Variants in ZFP37 observed in about 807,000 individuals in gnomAD.
ZFP37 encodes zinc finger protein 37 homolog.
Under a neutral mutation model 52.1 loss-of-function variants are expected in ZFP37, and 38 were observed. The ratio of observed to expected loss-of-function variants is 0.73; its 90% confidence interval spans 0.56 to 0.96. The LOEUF is 0.96. Among genes scored for constraint, ZFP37 ranks in the 40% least tolerant of loss-of-function variants. ZFP37 has a pLI of 0.00. For synonymous variants in ZFP37, 253 were observed against 259.5 expected (o/e 0.98, Z 0.24); for missense variants, 695 against 741.4 (o/e 0.94, Z 0.73).
At chr9:113,046,866 T>C (rs528629878) in intron 3 of ZFP37, among the ~76,000 whole-genome samples, 3 of 152,084 alleles carry the variant, frequency 2.0e-5, no homozygotes, top group Non-Finnish European at 2.9e-5. Context: ...TCCCAGCACT[T>C]TGGGAGGCCG....
Position 113,043,900 on chromosome 9 carries a change from C to A in ZFP37, c.718G>T (p.Asp240Tyr). 6.2e-7 allele frequency: 1 copy of A among 1,614,004 alleles called. No homozygotes were observed. The highest frequency in any genetic ancestry group is 8.5e-7 in the Non-Finnish European group (1 of 1,179,932). ...HEKLSSHSSS[D>Y]KCNKTGKKHD... The stretch of plus-strand genomic sequence containing the variant: ...TTTTTGCCAGTTTTGTTACACTTAT[C>A]AGATGAGCTATGGCTGGATAATTTC... Residue 240 changes from aspartate (D) to tyrosine (Y), a missense_variant, in exon 4 of 4, where the codon GAT becomes TAT. Around this residue, in one of 2 missense-constraint regions of ZFP37, gnomAD observed 369 missense variants for 340.9 expected, o/e 1.08. Coordinates refer to ENST00000374227, the MANE Select transcript of ZFP37 (RefSeq NM_003408.3).
chr9:113,044,050 A>T lies in ZFP37; in HGVS notation c.568T>A (p.Leu190Ile). Residue 190 changes from leucine (L) to isoleucine (I), a missense_variant, in exon 4 of 4, where the codon TTA (leucine) becomes ATA (isoleucine). By Grantham distance (5) the Leu-to-Ile change is conservative. Transcript: ENST00000374227. ...CGKILKQNLDLPDHSRNCVKR... is the reference protein window; with the variant it reads ...CGKILKQNLDIPDHSRNCVKR... The stretch of plus-strand genomic sequence containing the variant: ...ACACAGTTTCTTGAGTGATCAGGTA[A>T]ATCTAAATTCTGTTTCAAAATTTTT... 6.2e-7 allele frequency: 1 copy of T among 1,611,702 alleles called. No individual in the cohort carries two copies. Among genetic ancestry groups the T allele is most frequent in the Non-Finnish European group, 8.5e-7 (1 of 1,179,464 alleles).
rs1218968001 is a variant in ZFP37, at chr9:113,041,748, A to G, written c.*977T>C. ...GCATACAAAGATTTTAACTCTGTCAAAATCTGAGATCTCACATGTTGATCT... is the reference window on the plus strand; with the variant it reads ...GCATACAAAGATTTTAACTCTGTCAGAATCTGAGATCTCACATGTTGATCT... On this transcript the variant is annotated 3_prime_UTR_variant, in exon 4 of 4. Coordinates refer to ENST00000374227, the MANE Select transcript of ZFP37 (RefSeq NM_003408.3). 1 of 152,204 alleles carries G rather than the reference A, an allele frequency of 6.6e-6. No homozygotes were observed. Among genetic ancestry groups the G allele is most frequent in the Non-Finnish European group, 1.5e-5 (1 of 68,034 alleles). The allele number at this position is 152,204 out of a possible 1,614,324, so 9.4% of individuals were successfully genotyped here.
chr9:113,056,651 G>A lies in ZFP37; in HGVS notation c.38C>T (p.Pro13Leu), dbSNP rs1829152152. 1.2e-6 allele frequency: 2 copies of A among 1,613,736 alleles called. No individual in the cohort carries two copies. Among genetic ancestry groups the A allele is most frequent in the African/African-American group, 2.7e-5 (2 of 74,948 alleles). Residue 13 changes from proline (P) to leucine (L), a missense_variant, in exon 1 of 4, where the codon CCA becomes CTA. Physicochemically the swap from Pro to Leu is moderately conservative, Grantham distance 98. Coordinates refer to ENST00000374227, the MANE Select transcript of ZFP37 (RefSeq NM_003408.3). ...ACTTCTCCTCCGGTCCACGGTCTCTGGCTTTGTCAGAATCTGGACGCCGCT... is the reference window on the plus strand; with the variant it reads ...ACTTCTCCTCCGGTCCACGGTCTCTAGCTTTGTCAGAATCTGGACGCCGCT... ...VSSGVQILTK[P>L]ETVDRRRSAE...
In ZFP37 at chr9:113,041,464, T is replaced by C. The variant is rs1828845295; in HGVS notation, c.*1261A>G. 6.6e-6 allele frequency: 1 copy of C among 152,172 alleles called. No homozygotes were observed. Among genetic ancestry groups the C allele is most frequent in the Non-Finnish European group, 1.5e-5 (1 of 68,026 alleles). 9.4% of individuals were successfully genotyped at this position (152,172 alleles called of 1,614,324 possible). On this transcript the variant is annotated 3_prime_UTR_variant, in exon 4 of 4. Transcript: ENST00000374227. ...CATTTGTTTCATTCGAATTCCCTGA[T>C]TGAGGTGTTTGTGTGTTAGTTCTTT... is the stretch of plus-strand genomic sequence containing the variant.
chr9:113,042,675 C>A lies in ZFP37; in HGVS notation c.*50G>T. The A allele has an allele frequency of 6.9e-7, 1 of 1,448,998 alleles. No individual in the cohort carries two copies. The highest frequency in any genetic ancestry group is 1.4e-5 in the South Asian group (1 of 70,722). 89.8% of individuals were successfully genotyped at this position (1,448,998 alleles called of 1,614,324 possible). A position where few individuals can be genotyped will look rare whatever the true frequency, so the allele number is the denominator to read the frequency against. Reference sequence around the variant, plus strand: ...ACACTCTTTAAAATCAGCATATTTCCAAGGTTCAACAAAACCTTAAATTTA... The same window carrying A: ...ACACTCTTTAAAATCAGCATATTTCAAAGGTTCAACAAAACCTTAAATTTA... On this transcript the variant is annotated 3_prime_UTR_variant, in exon 4 of 4. Transcript: ENST00000374227.
intron 3 of ZFP37, among the ~76,000 whole-genome samples, chr9:113,047,854 G>A (rs1828986011): frequency 6.6e-6 from 1 of 152,328 alleles, no homozygotes; most frequent in African/African-American, 2.4e-5. Flanking sequence ...CTAAGAATAA[G>A]CTGTTGTTTA....
In ZFP37 at chr9:113,042,255, C is replaced by A. The variant is rs1157687670; in HGVS notation, c.*470G>T. ...AAAAAGATTTCTGCTGATGCAGAAG[C>A]CAACACAGACATTAAGAAAGAGCTG... On this transcript the variant is annotated 3_prime_UTR_variant, in exon 4 of 4. Transcript: ENST00000374227. 1 of 151,968 alleles carries A rather than the reference C, an allele frequency of 6.6e-6. No homozygotes were observed. The highest frequency in any genetic ancestry group is 1.5e-5 in the Non-Finnish European group (1 of 68,198). 9.4% of individuals were successfully genotyped at this position (151,968 alleles called of 1,614,324 possible).
rs1259300242 is a variant in ZFP37, at chr9:113,041,494, A to G, written c.*1231T>C. 6.6e-6 allele frequency: 1 copy of G among 152,202 alleles called. No individual in the cohort carries two copies. The highest frequency in any genetic ancestry group is 1.5e-5 in the Non-Finnish European group (1 of 68,028). 9.4% of individuals were successfully genotyped at this position (152,202 alleles called of 1,614,324 possible). On this transcript the variant is annotated 3_prime_UTR_variant, in exon 4 of 4. Coordinates refer to ENST00000374227, the MANE Select transcript of ZFP37 (RefSeq NM_003408.3). ...GTGTTTGTGTGTTAGTTCTTTGAAT[A>G]TGAGATAAAACAGGGTGATTATTCA...
chr9:113,047,270 C>G (rs1426257290), intron 3 of ZFP37, among the ~76,000 whole-genome samples: 1 of 152,166 alleles, frequency 6.6e-6, no homozygotes, highest in African/African-American at 2.4e-5. Context: ...GAATCAGAAA[C>G]TCCATTGAGT....
rs1452060295 is a variant in ZFP37 at position 113,049,984 on chromosome 9, TA to T, written c.133-113del. The T allele has an allele frequency of 2.0e-6, 3 of 1,526,550 alleles. No individual in the cohort carries two copies. In the African/African-American group the frequency reaches 4.1e-5, roughly 21 times the overall value. The allele number at this position is 1,526,550 out of a possible 1,614,324, so 94.6% of individuals were successfully genotyped here. On this transcript the variant is annotated intron_variant, in intron 1 of 3. Transcript: ENST00000374227. ...TTGGTGAGTGATTTGGACAAGATAA[TA>T]ATTTGTTCTTACCTTGACTACTCAC...
At position 113,043,313 on chromosome 9, in the gene ZFP37, G is replaced by A. The variant is rs1828887557; in HGVS notation, c.1305C>T (p.Cys435=). ...RTHTGEIPYE[C]NECGKAFKYS... ...ACTTAAAGGCTTTTCCACATTCATTGCATTCATATGGTATTTCACCTGTAT... is the reference window on the plus strand; with the variant it reads ...ACTTAAAGGCTTTTCCACATTCATTACATTCATATGGTATTTCACCTGTAT... Residue 435 remains cysteine, a synonymous_variant, in exon 4 of 4, where the codon TGC becomes TGT. Coordinates refer to ENST00000374227, the MANE Select transcript of ZFP37 (RefSeq NM_003408.3). 2 of 1,613,784 alleles carry A rather than the reference G, an allele frequency of 1.2e-6. No homozygotes were observed.
Position 113,038,620 on chromosome 9 carries a change from CAA to C in ZFP37, c.*4103_*4104del, listed in dbSNP as rs60269886. 410 of 135,146 alleles carry C rather than the reference CAA, an allele frequency of 3.0e-3. No individual in the cohort carries two copies. Among genetic ancestry groups the C allele is most frequent in the African/African-American group, 4.1e-3 (150 of 36,514 alleles). The allele number at this position is 135,146 out of a possible 1,614,324, so 8.4% of individuals were successfully genotyped here. ...TAACATGGCAAAACTCTGTTTCCAC[CAA>C]AAAAAAAAAAAAAAAATTAGCTTGG... On this transcript the variant is annotated 3_prime_UTR_variant, in exon 4 of 4. Coordinates refer to ENST00000374227, the MANE Select transcript of ZFP37 (RefSeq NM_003408.3).
chr9:113,050,143 G>T lies in ZFP37; in HGVS notation c.133-271C>A, dbSNP rs1380206064. The T allele has an allele frequency of 2.7e-5, 9 of 327,974 alleles. No homozygotes were observed. In the Admixed American group the frequency reaches 3.6e-4, roughly 13 times the overall value. The allele number at this position is 327,974 out of a possible 1,614,324, so 20.3% of individuals were successfully genotyped here. Reference sequence around the variant, plus strand: ...CTCATGCCTGTAATCCCAGCACTTTGGGAGGCTAAAGCAGGAGGATTGCTT... The same window carrying T: ...CTCATGCCTGTAATCCCAGCACTTTTGGAGGCTAAAGCAGGAGGATTGCTT... On this transcript the variant is annotated intron_variant, in intron 1 of 3. Transcript: ENST00000374227.
Position 113,052,017 on chromosome 9 carries a change from A to G in ZFP37, c.133-2145T>C, listed in dbSNP as rs1829065521. Reference sequence around the variant, plus strand: ...CATATTCTCACAGGTTCCTCAACCAATGATACCCACAGGACACTGGTAATC... The same window carrying G: ...CATATTCTCACAGGTTCCTCAACCAGTGATACCCACAGGACACTGGTAATC... On this transcript the variant is annotated intron_variant, in intron 1 of 3. Coordinates refer to ENST00000374227, the MANE Select transcript of ZFP37 (RefSeq NM_003408.3). This position sits in a 1 kb window ranked among gnomAD's most constrained non-coding sequence, Gnocchi z 4.1. 6.6e-6 allele frequency among the ~76,000 whole-genome samples: 1 copy of G among 152,200 alleles called. No homozygotes were observed. Among genetic ancestry groups the G allele is most frequent in the South Asian group, 2.1e-4 (1 of 4,834 alleles).
In ZFP37 at chr9:113,056,699, C is replaced by T. The variant is rs779150580; in HGVS notation, c.-11G>A. On this transcript the variant is annotated 5_prime_UTR_variant, in exon 1 of 4. Transcript: ENST00000374227. ...GCTGGAGACCGACATGGCGGCTACC[C>T]GGAGGGCGGCCTTAGCGGGTCCGGC... 8 of 1,610,562 alleles carry T rather than the reference C, an allele frequency of 5.0e-6. No homozygotes were observed. Among genetic ancestry groups the T allele is most frequent in the Admixed American group, 1.7e-5 (1 of 59,996 alleles).
At position 113,049,456 on chromosome 9, in the gene ZFP37, T is replaced by C; in HGVS notation, c.255A>G (p.Glu85=). ...APKPDMISKL[E]KGEAPWLGKG... ...TCCCCAACCATGGTGCTTCTCCTTT[T>C]TCCAACTTGGAGATCATGTCTGGTT... The change falls in exon 3 of 4, where the codon GAA becomes GAG. Residue 85 remains glutamate, a synonymous_variant. Transcript: ENST00000374227. 1 of 1,614,072 alleles carries C rather than the reference T, an allele frequency of 6.2e-7. No individual in the cohort carries two copies. Among genetic ancestry groups the C allele is most frequent in the Non-Finnish European group, 8.5e-7 (1 of 1,179,962 alleles).
chr9:113,046,383 A>G (rs981255740), intron 3 of ZFP37, among the ~76,000 whole-genome samples: 7 of 152,092 alleles, frequency 4.6e-5, no homozygotes, highest in Non-Finnish European at 7.4e-5. Context: ...TTTAGGTACC[A>G]TGACAAGGCT....
chr9:113,046,080 T>G (rs995677455), intron 3 of ZFP37, among the ~76,000 whole-genome samples: 1 of 151,660 alleles, frequency 6.6e-6, no homozygotes, highest in African/African-American at 2.4e-5. Context: ...ATAAAGGACA[T>G]TAGAGAGATT....
Sources: allele counts gnomAD v4.1 joint callset (sites outside exome capture counted in the v4.1 genomes callset), GRCh38; gene constraint gnomAD v4.1.1; regional missense constraint gnomAD v4.1.1; non-coding constraint Gnocchi (gnomAD v3.1); transcripts MANE v1.5; gene names NCBI Gene and HGNC (gene_info 2026-07-23, HGNC 2026-07-21).